Variants in ARSK observed in about 807,000 individuals in gnomAD.
ARSK encodes the protein arylsulfatase family member K, also known as arylsulfatase K.
ARSK carries 37 observed loss-of-function variants against 53.2 expected under a neutral mutation model. The ratio of observed to expected loss-of-function variants is 0.70; its 90% CI spans 0.54 to 0.92. The LOEUF is 0.92. Among genes scored for constraint, ARSK ranks in the 40% least tolerant of loss-of-function variants. The probability of loss-of-function intolerance (pLI) is 0.00; values close to 1 mark genes in which losing one functional copy is unlikely to be tolerated. For synonymous variants in ARSK, 208 were observed against 223.2 expected (o/e 0.93, Z 0.61); for missense variants, 613 against 643.0 (o/e 0.95, Z 0.51).
chr5:95,600,735 A>G (rs1270054818), intron 6 of ARSK, 112 bp from the exon 7 acceptor site: 1 of 1,063,098 alleles, frequency 9.4e-7, no homozygotes, highest in Non-Finnish European at 1.4e-6. Flanking sequence ...TACAATCTCC[A>G]GTCTCCATGG....
chr5:95,589,430 C>T lies in ARSK; in HGVS notation c.872-1971C>T, dbSNP rs114349978. On this transcript the variant is annotated intron_variant, in intron 5 of 7. Coordinates refer to ENST00000380009, the MANE Select transcript of ARSK (RefSeq NM_198150.3). ...CATGCATTAGCTATTTTTCCTAATG[C>T]TCTCCCTTCCCTGGCAGGCCCCAAT... Among the ~76,000 whole-genome samples the T allele has an allele frequency of 1.8e-3, 281 of 152,280 alleles. 2 individuals carry two copies. Among genetic ancestry groups the T allele is most frequent in the African/African-American group, 6.5e-3 (271 of 41,560 alleles).
At chr5:95,578,849 CAGT>C (rs1369155941) in intron 3 of ARSK, among the ~76,000 whole-genome samples, 2 of 152,154 alleles carry the variant, frequency 1.3e-5, no homozygotes, top group Non-Finnish European at 2.9e-5. Context: ...AATATTTTAG[CAGT>C]AGAATTTGGC....
chr5:95,574,357 G>A (rs1323103172), intron 3 of ARSK, among the ~76,000 whole-genome samples: 1 of 152,136 alleles, frequency 6.6e-6, no homozygotes, highest in African/African-American at 2.4e-5. Context: ...TCTTTTGGGT[G>A]TATACCTAGA....
intron 7 of ARSK, among the ~76,000 whole-genome samples, 185 bp from the exon 8 acceptor site, chr5:95,603,052 C>A (rs1444495545): frequency 2.0e-5 from 3 of 151,976 alleles, no homozygotes; most frequent in South Asian, 2.1e-4. Flanking sequence ...GGAATTTGGG[C>A]ATGCAACATA....
At chr5:95,559,768 G>GTT (rs1475543561) in intron 1 of ARSK, among the ~76,000 whole-genome samples, 1 of 152,082 alleles carries the variant, frequency 6.6e-6, no homozygotes. Flanking sequence ...AAAAAAATCA[G>GTT]TTTTCTGACT....
chr5:95,575,542 A>G (rs1277011333), intron 3 of ARSK, among the ~76,000 whole-genome samples: 1 of 152,118 alleles, frequency 6.6e-6, no homozygotes, highest in Non-Finnish European at 1.5e-5. Context: ...TGTCTTCTCA[A>G]TTGCTTTCAT....
Position 95,599,446 on chromosome 5 carries a change from C to G in ARSK, c.1097-1401C>G, listed in dbSNP as rs1339617383. ...TGGTGGTGCCTCCTGATGGCTGACACACAGACCACCCTTACCCAGCCTCTT... is the reference window on the plus strand; with the variant it reads ...TGGTGGTGCCTCCTGATGGCTGACAGACAGACCACCCTTACCCAGCCTCTT... On this transcript the variant is annotated intron_variant, in intron 6 of 7. Coordinates refer to ENST00000380009, the MANE Select transcript of ARSK (RefSeq NM_198150.3). 1.0e-4 allele frequency among the ~76,000 whole-genome samples: 14 copies of G among 138,312 alleles called. No individual in the cohort carries two copies. The South Asian group carries it at 3.2e-3, about 31-fold the overall frequency. The allele number at this position is 138,312 out of a possible 152,430, so 90.7% of individuals were successfully genotyped here. A position where few individuals can be genotyped will look rare whatever the true frequency, so the allele number is the denominator to read the frequency against.
chr5:95,566,849 A>T (rs564614346), intron 2 of ARSK, among the ~76,000 whole-genome samples: 1 of 152,170 alleles, frequency 6.6e-6, no homozygotes, highest in Non-Finnish European at 1.5e-5. Flanking sequence ...TGTAAATGAG[A>T]TGATTTTCTC....
intron 1 of ARSK, among the ~76,000 whole-genome samples, chr5:95,558,121 C>G (rs1748559124): frequency 6.6e-6 from 1 of 152,170 alleles, no homozygotes; most frequent in African/African-American, 2.4e-5. Flanking sequence ...TCATCTTCTC[C>G]TAATCCAAGT....
rs1051115289 is a variant in ARSK, at chr5:95,591,385, A to G, written c.872-16A>G. ...AACTGAAAGTTTTAATCGGTTTATC[A>G]TGATTTCTATTGTAGGTGAAATTAT... is the stretch of plus-strand genomic sequence containing the variant. On this transcript the variant is annotated splice_polypyrimidine_tract_variant and intron_variant, in intron 5 of 7. Transcript: ENST00000380009. 6.3e-7 allele frequency: 1 copy of G among 1,584,358 alleles called. No homozygotes were observed. The highest frequency in any genetic ancestry group is 8.7e-7 in the Non-Finnish European group (1 of 1,153,146).
At chr5:95,587,483 A>C (rs1749139712) in intron 5 of ARSK, among the ~76,000 whole-genome samples, 1 of 152,240 alleles carries the variant, frequency 6.6e-6, no homozygotes, top group Non-Finnish European at 1.5e-5. Context: ...TGTACAGAGT[A>C]AACTTTGGAA....
chr5:95,566,170 C>G (rs1251761159), intron 2 of ARSK, 43 bp downstream of exon 2: 1 of 1,595,352 alleles, frequency 6.3e-7, no homozygotes, highest in East Asian at 2.2e-5. Flanking sequence ...TGGCTACACA[C>G]TGAAAATATA....
intron 7 of ARSK, 38 bp downstream of exon 7, chr5:95,601,109 T>G (rs1749396105): frequency 2.0e-6 from 3 of 1,500,938 alleles, no homozygotes; most frequent in Admixed American, 1.7e-5. Flanking sequence ...TAATATTATG[T>G]GTAATGAACT....
intron 4 of ARSK, among the ~76,000 whole-genome samples, chr5:95,583,763 A>G (rs1484104482): frequency 6.6e-6 from 1 of 152,180 alleles, no homozygotes; most frequent in African/African-American, 2.4e-5. Context: ...CATAAAACTT[A>G]TGATACAGAG....
chr5:95,591,454 A>C lies in ARSK; in HGVS notation c.925A>C (p.Ile309Leu). 6.2e-7 allele frequency: 1 copy of C among 1,614,122 alleles called. No homozygotes were observed. Among genetic ancestry groups the C allele is most frequent in the African/African-American group, 1.3e-5 (1 of 75,042 alleles). ...AGATCTTCTTCAGAAAACTATTGTC[A>C]TATACTCCTCAGACCATGGAGAGCT... ...QLDLLQKTIV[I>L]YSSDHGELAM... Residue 309 changes from isoleucine to leucine, a missense_variant, in exon 6 of 8, where the codon ATA (isoleucine) becomes CTA (leucine). Ile to Leu is a conservative substitution (Grantham distance 5). Coordinates refer to ENST00000380009, the MANE Select transcript of ARSK (RefSeq NM_198150.3).
intron 3 of ARSK, among the ~76,000 whole-genome samples, chr5:95,569,672 T>C (rs1029915781): frequency 4.6e-5 from 7 of 152,242 alleles, no homozygotes; most frequent in African/African-American, 1.2e-4. Context: ...TTTAGACTTA[T>C]AGCTTCCAGA....
chr5:95,561,030 C>T (rs1216694017), intron 1 of ARSK, among the ~76,000 whole-genome samples: 5 of 152,204 alleles, frequency 3.3e-5, no homozygotes, highest in East Asian at 1.9e-4. Context: ...AGGATGGTCT[C>T]GATCTCCTGA....
chr5:95,590,673 G>C (rs1430251370), intron 5 of ARSK, among the ~76,000 whole-genome samples: 1 of 152,160 alleles, frequency 6.6e-6, no homozygotes, highest in East Asian at 1.9e-4. Context: ...CTTCTACCCA[G>C]ATTCAGGAAC....
rs929010832 is a variant in ARSK at position 95,604,298 on chromosome 5, G to C, written c.*772G>C. On this transcript the variant is annotated 3_prime_UTR_variant, in exon 8 of 8. Transcript: ENST00000380009. Reference sequence around the variant, plus strand: ...ATTTTGTTACTGTTTTATTTTAATAGGTAATATATATACAGGGTAAAAGCT... The same window carrying C: ...ATTTTGTTACTGTTTTATTTTAATACGTAATATATATACAGGGTAAAAGCT... 6.6e-6 allele frequency: 1 copy of C among 152,098 alleles called. No individual in the cohort carries two copies. Among genetic ancestry groups the C allele is most frequent in the African/African-American group, 2.4e-5 (1 of 41,408 alleles). The allele number at this position is 152,098 out of a possible 1,614,324, so 9.4% of individuals were successfully genotyped here.
Sources: gnomAD v4.1 joint callset for allele counts (sites outside exome capture counted in the v4.1 genomes callset) on GRCh38, gnomAD v4.1.1 for gene constraint, MANE v1.5 for transcripts, NCBI Gene and HGNC (gene_info 2026-07-23, HGNC 2026-07-21) for gene names.